The following FOLH1 variants were observed in gnomAD, a reference collection of about 807,000 sequenced individuals.
FOLH1 encodes glutamate carboxypeptidase 2.
FOLH1 carries 54 observed loss-of-function variants against 93.9 expected under a neutral mutation model. That is an observed-to-expected ratio of 0.57 (90% confidence interval 0.46 to 0.72). The LOEUF (loss-of-function observed/expected upper bound fraction) is 0.72, where lower values mean the gene tolerates loss of function less well. Among genes scored for constraint, FOLH1 ranks in the 30% least tolerant of loss-of-function variants. The pLI, the probability that FOLH1 is intolerant of heterozygous loss-of-function variation, is 0.00. For missense variants in FOLH1, 571 were observed against 892.5 expected (o/e 0.64, Z 4.59); for synonymous variants, 249 against 303.6 (o/e 0.82, Z 1.87).
At chr11:49,191,799 G>A (rs1331722302) in intron 4 of FOLH1, among the ~76,000 whole-genome samples, 3 of 152,134 alleles carry the variant, frequency 2.0e-5, no homozygotes, top group Non-Finnish European at 4.4e-5. Flanking sequence ...CCGGGTTCAC[G>A]CCATCCTCCT....
chr11:49,167,106 A>G (rs1858503424), intron 12 of FOLH1, among the ~76,000 whole-genome samples: 2 of 152,178 alleles, frequency 1.3e-5, no homozygotes, highest in Non-Finnish European at 2.9e-5. Flanking sequence ...TCAAGAAAAT[A>G]TATTTGGAGT....
At chr11:49,190,243 G>A (rs1751220206) in intron 4 of FOLH1, among the ~76,000 whole-genome samples, 1 of 152,152 alleles carries the variant, frequency 6.6e-6, no homozygotes, top group Admixed American at 6.5e-5. Context: ...AACAAACTGT[G>A]AGGGAGAGAA....
At chr11:49,180,022 C>A (rs1387552907) in intron 7 of FOLH1, among the ~76,000 whole-genome samples, 2 of 152,132 alleles carry the variant, frequency 1.3e-5, no homozygotes, top group Admixed American at 6.5e-5. Context: ...TAAGAATGAG[C>A]CAATACTATA....
chr11:49,199,464 A>C (rs1407208471), intron 3 of FOLH1, among the ~76,000 whole-genome samples: 1 of 152,198 alleles, frequency 6.6e-6, no homozygotes, highest in Non-Finnish European at 1.5e-5. Flanking sequence ...AAATGTCCAC[A>C]CACAAATTCT....
chr11:49,193,989 C>G (rs1333034770), intron 3 of FOLH1, among the ~76,000 whole-genome samples: 1 of 151,984 alleles, frequency 6.6e-6, no homozygotes, highest in Non-Finnish European at 1.5e-5. Context: ...GAAACCGCGT[C>G]TCTACTAAAA....
intron 15 of FOLH1, among the ~76,000 whole-genome samples, 171 bp downstream of exon 15, chr11:49,156,546 A>G (rs192028403): frequency 6.6e-6 from 1 of 152,084 alleles, no homozygotes; most frequent in East Asian, 1.9e-4. Flanking sequence ...TTGGAATACA[A>G]GATATAGGAG....
At chr11:49,164,888 G>A (rs1402728425) in intron 12 of FOLH1, 116 bp from the exon 13 acceptor site, 11 of 814,076 alleles carry the variant, frequency 1.4e-5, no homozygotes, top group Non-Finnish European at 2.0e-5. Flanking sequence ...GATTTCAACT[G>A]TAACTCTCCA....
intron 13 of FOLH1, among the ~76,000 whole-genome samples, chr11:49,161,857 G>T (rs1857738224): frequency 6.6e-6 from 1 of 152,284 alleles, no homozygotes; most frequent in African/African-American, 2.4e-5. Flanking sequence ...TGTCTTGAAA[G>T]AATCTTATTT....
At chr11:49,185,002 A>G (rs1174985233) in intron 6 of FOLH1, among the ~76,000 whole-genome samples, 2 of 152,138 alleles carry the variant, frequency 1.3e-5, no homozygotes, top group Non-Finnish European at 2.9e-5. Flanking sequence ...ATAAGAGATA[A>G]TAACACCCCC....
intron 13 of FOLH1, 46 bp from the exon 14 acceptor site, chr11:49,158,089 T>C (rs759401336): frequency 1.4e-5 from 21 of 1,496,974 alleles, no homozygotes; most frequent in Middle Eastern, 3.9e-4. Flanking sequence ...AAATCAGATA[T>C]ATTAAAAACT....
At chr11:49,177,423 G>A (rs1238666679) in intron 7 of FOLH1, among the ~76,000 whole-genome samples, 1 of 151,952 alleles carries the variant, frequency 6.6e-6, no homozygotes, top group South Asian at 2.1e-4. Flanking sequence ...GGCAAGTAAA[G>A]AATATACATA....
chr11:49,151,488 A>C (rs1856512206), intron 17 of FOLH1, among the ~76,000 whole-genome samples: 2 of 152,186 alleles, frequency 1.3e-5, no homozygotes, highest in African/African-American at 2.4e-5. Context: ...ATATTCTTTG[A>C]TGGGGCAAGA....
chr11:49,149,157 T>G (rs1324213670), intron 17 of FOLH1, among the ~76,000 whole-genome samples: 1 of 152,012 alleles, frequency 6.6e-6, no homozygotes, highest in Non-Finnish European at 1.5e-5. Flanking sequence ...GTATACCTAA[T>G]GTAAATGACG....
At chr11:49,160,257 A>AT (rs1038517615) in intron 13 of FOLH1, among the ~76,000 whole-genome samples, 6 of 151,392 alleles carry the variant, frequency 4.0e-5, no homozygotes, top group South Asian at 2.1e-4. Flanking sequence ...TTTTTTATTA[A>AT]TTTTTTTCAA....
intron 7 of FOLH1, among the ~76,000 whole-genome samples, chr11:49,176,373 A>C (rs1345095674): frequency 6.6e-6 from 1 of 152,202 alleles, no homozygotes; most frequent in African/African-American, 2.4e-5. Context: ...AAGTACTTTC[A>C]TACACACCTA....
intron 3 of FOLH1, among the ~76,000 whole-genome samples, chr11:49,196,167 AT>A (rs1173917399): frequency 6.6e-6 from 1 of 152,194 alleles, no homozygotes; most frequent in African/African-American, 2.4e-5. Context: ...CAACAAAAAA[AT>A]CTAGTTGTAT....
intron 13 of FOLH1, among the ~76,000 whole-genome samples, chr11:49,159,695 A>G (rs1288468112): frequency 2.0e-5 from 3 of 152,090 alleles, no homozygotes; most frequent in African/African-American, 7.2e-5. Context: ...AATAGTTTCA[A>G]TAGAAATAGT....
intron 11 of FOLH1, among the ~76,000 whole-genome samples, chr11:49,169,791 T>C (rs550849474): frequency 6.6e-6 from 1 of 152,330 alleles, no homozygotes; most frequent in Admixed American, 6.5e-5. Context: ...TCAATATTGA[T>C]AATTGCACAC....
intron 17 of FOLH1, among the ~76,000 whole-genome samples, chr11:49,150,250 C>T (rs1856349243): frequency 6.6e-6 from 1 of 152,130 alleles, no homozygotes; most frequent in Non-Finnish European, 1.5e-5. Context: ...TAAATTTTAA[C>T]ATTCTGTAAT....
Sources: allele counts gnomAD v4.1 joint callset (sites outside exome capture counted in the v4.1 genomes callset), GRCh38; gene constraint gnomAD v4.1.1; transcripts MANE v1.5; gene names NCBI Gene and HGNC (gene_info 2026-07-23, HGNC 2026-07-21).